Variants in PSD4 observed in about 807,000 individuals in gnomAD.
PSD4 encodes PH and SEC7 domain-containing protein 4.
Under a neutral mutation model 112.5 loss-of-function variants are expected in PSD4, and 59 were observed. That is an observed-to-expected ratio of 0.52 (90% CI 0.43 to 0.65). PSD4 has a LOEUF of 0.65. Ranked by LOEUF, PSD4 falls within the 30% of genes least tolerant of loss-of-function variation. The pLI, the probability that PSD4 is intolerant of heterozygous loss-of-function variation, is 0.00. For synonymous variants in PSD4, 533 were observed against 540.0 expected (o/e 0.99, Z 0.18); for missense variants, 1,267 against 1,352.6 (o/e 0.94, Z 0.99).
At position 113,191,276 on chromosome 2, in the gene PSD4, G is replaced by GT. The variant is rs1364434782; in HGVS notation, c.1629-1100dup. On this transcript the variant is annotated intron_variant, in intron 5 of 16. Coordinates refer to ENST00000245796, the MANE Select transcript of PSD4 (RefSeq NM_012455.3). ...GTTATATATCTGTTTATCAGGGATTGTTTTCTTTTTTTTCTTTTAGACGGC... is the reference window on the plus strand; with the variant it reads ...GTTATATATCTGTTTATCAGGGATTGTTTTTCTTTTTTTTCTTTTAGACGGC... 3.9e-3 allele frequency among the ~76,000 whole-genome samples: 589 copies of GT among 151,636 alleles called. 5 individuals carry two copies. The highest frequency in any genetic ancestry group is 0.014 in the African/African-American group (562 of 41,504).
chr2:113,185,482 G>A (rs1688272597), intron 4 of PSD4, 42 bp downstream of exon 4: 1 of 1,613,780 alleles, frequency 6.2e-7, no homozygotes, highest in Non-Finnish European at 8.5e-7. Flanking sequence ...GGTCCTGGGA[G>A]GATTTGGAAT....
intron 1 of PSD4, among the ~76,000 whole-genome samples, chr2:113,180,246 A>G (rs1211632104): frequency 6.6e-6 from 1 of 152,182 alleles, no homozygotes; most frequent in Non-Finnish European, 1.5e-5. Context: ...CACCTCCGTT[A>G]ACCCTAGCTC....
chr2:113,193,769 G>T, intron 9 of PSD4, 90 bp from the exon 10 acceptor site: 1 of 1,560,792 alleles, frequency 6.4e-7, no homozygotes, highest in Non-Finnish European at 8.8e-7. Context: ...GGCCTGGGGA[G>T]CTGGAAAGGG....
rs766489175 is a variant in PSD4, at chr2:113,201,377, C to T, written c.3133C>T (p.Arg1045Trp). ...CAACATCTCAGAGCGCAGAACCTAC[C>T]GGAAGATCATCCCTAAGCGGAACCG... ...KRNISERRTY[R>W]KIIPKRNRNQ... is the part of the protein sequence containing the mutation. Residue 1045 changes from arginine to tryptophan, a missense_variant, in exon 17 of 17, where the codon CGG (arginine) becomes TGG (tryptophan). By Grantham distance (101) the Arg-to-Trp change is moderately radical. Around this residue, in one of 2 missense-constraint regions of PSD4, gnomAD observed 544 missense variants for 648.6 expected, o/e 0.84. Transcript: ENST00000245796. 1.6e-5 allele frequency: 26 copies of T among 1,614,024 alleles called. No individual in the cohort carries two copies. The highest frequency in any genetic ancestry group is 4.4e-5 in the South Asian group (4 of 91,084).
intron 14 of PSD4, 141 bp from the exon 15 acceptor site, chr2:113,198,599 C>T (rs189543276): frequency 1.2e-5 from 13 of 1,046,690 alleles, no homozygotes; most frequent in East Asian, 1.2e-4. Context: ...GTCGGGTGCC[C>T]GGCTAGTGGC....
chr2:113,195,671 A>T (rs1003444964), intron 10 of PSD4, 56 bp from the exon 11 acceptor site: 56 of 1,604,584 alleles, frequency 3.5e-5, no homozygotes, highest in Non-Finnish European at 4.8e-5. Context: ...AGACAAAGAG[A>T]CTTTAGGCTC....
rs1475952185 is a variant in PSD4 at position 113,183,054 on chromosome 2, G to C, written c.598G>C (p.Gly200Arg). 2 of 1,613,242 alleles carry C rather than the reference G, an allele frequency of 1.2e-6. No homozygotes were observed. The highest frequency in any genetic ancestry group is 4.5e-5 in the East Asian group (2 of 44,862). Reference protein sequence around the residue: ...TPPVDLPGDTGLHSSPPENED... With the variant: ...TPPVDLPGDTRLHSSPPENED... ...CCCTGTGGACCTCCCCGGGGACACG[G>C]GCCTGCACTCCAGCCCACCTGAGAA... The change falls in exon 2 of 17, where the codon GGC (glycine) becomes CGC (arginine). Residue 200 changes from glycine to arginine, a missense_variant. Physicochemically the swap from Gly to Arg is moderately radical, Grantham distance 125. Transcript: ENST00000245796.
intron 5 of PSD4, 68 bp from the exon 6 acceptor site, chr2:113,192,312 C>T (rs958350947): frequency 1.1e-5 from 16 of 1,501,912 alleles, no homozygotes; most frequent in East Asian, 2.3e-5. Context: ...GCGCTGAGCT[C>T]GGGGAACTCT....
intron 4 of PSD4, 115 bp from the exon 5 acceptor site, chr2:113,185,762 G>T (rs1330996185): frequency 1.9e-6 from 3 of 1,550,154 alleles, no homozygotes. Flanking sequence ...GGGAGGACAG[G>T]GCATGCTGCC....
At position 113,193,341 on chromosome 2, in the gene PSD4, A is replaced by G; in HGVS notation, c.2003A>G (p.His668Arg). 6.2e-7 allele frequency: 1 copy of G among 1,604,846 alleles called. No individual in the cohort carries two copies. The highest frequency in any genetic ancestry group is 2.2e-5 in the East Asian group (1 of 44,814). The part of the protein sequence containing the change: ...ILYQFSRRFH[H>R]CNPGIFPSVD... ...TACCAGTTCTCCAGACGCTTCCACC[A>G]TTGCAATCCGGGGATCTTCCCCTCA... Residue 668 changes from histidine to arginine, a missense_variant, in exon 8 of 17, where the codon CAT becomes CGT. Physicochemically the swap from His to Arg is conservative, Grantham distance 29. This residue lies in a region of PSD4 where 544 missense variants were observed against 648.6 expected (regional missense o/e 0.84). Transcript: ENST00000245796.
chr2:113,180,944 G>A (rs1448842237), intron 1 of PSD4, among the ~76,000 whole-genome samples: 1 of 152,126 alleles, frequency 6.6e-6, no homozygotes, highest in Non-Finnish European at 1.5e-5. Context: ...GCTGCTGGGT[G>A]CAGCGGCTCA....
intron 5 of PSD4, among the ~76,000 whole-genome samples, chr2:113,188,675 A>G (rs1688366674): frequency 6.6e-6 from 1 of 151,550 alleles, no homozygotes; most frequent in Admixed American, 6.6e-5. Flanking sequence ...CTGCCTCCCA[A>G]GTTCAGGCCA....
chr2:113,196,422 C>G (rs1688617060), intron 12 of PSD4, 115 bp downstream of exon 12: 3 of 1,349,696 alleles, frequency 2.2e-6, no homozygotes, highest in Middle Eastern at 2.4e-4. Context: ...GGACAGGCAG[C>G]CAGCCCATGT....
At chr2:113,192,868 G>A (rs575323645) in intron 6 of PSD4, among the ~76,000 whole-genome samples, 180 bp from the exon 7 acceptor site, 77 of 152,296 alleles carry the variant, frequency 5.1e-4, no homozygotes, top group African/African-American at 1.5e-3. Context: ...GAATAGGGTA[G>A]CAGGGCATAC....
chr2:113,181,487 C>T (rs1017415184), intron 1 of PSD4, among the ~76,000 whole-genome samples: 1 of 152,208 alleles, frequency 6.6e-6, no homozygotes, highest in Non-Finnish European at 1.5e-5. Flanking sequence ...GGTTCCTGGG[C>T]TCATCTGATA....
chr2:113,179,882 G>T (rs1688083026), intron 1 of PSD4, among the ~76,000 whole-genome samples: 1 of 152,148 alleles, frequency 6.6e-6, no homozygotes, highest in Non-Finnish European at 1.5e-5. Context: ...CATTCCGGGT[G>T]GGCTGGAACA....
chr2:113,183,248 G>A lies in PSD4; in HGVS notation c.792G>A (p.Glu264=), dbSNP rs1558887549. The A allele has an allele frequency of 1.9e-6, 3 of 1,614,200 alleles. No homozygotes were observed. The highest frequency in any genetic ancestry group is 2.5e-6 in the Non-Finnish European group (3 of 1,180,016). The change falls in exon 2 of 17, where the codon GAG becomes GAA. Residue 264 remains glutamate, a synonymous_variant. Transcript: ENST00000245796. The stretch of plus-strand genomic sequence containing the variant: ...GCTCAGAGAACAGTGCTTCTGGAGA[G>A]TGCTTTTCCTGGGGGGCTTCAGACT... ...SPCSENSASG[E]CFSWGASDSH... is the part of the protein sequence containing the mutation.
rs944334239 is a variant in PSD4 at position 113,201,102 on chromosome 2, C to T, written c.2914-56C>T. On this transcript the variant is annotated intron_variant, in intron 16 of 16. Coordinates refer to ENST00000245796, the MANE Select transcript of PSD4 (RefSeq NM_012455.3). Reference sequence around the variant, plus strand: ...GTGAGCTGTCCCTCACGATTCTAGCCTCCTCCCAACCTGGAGCCAGGATGG... The same window carrying T: ...GTGAGCTGTCCCTCACGATTCTAGCTTCCTCCCAACCTGGAGCCAGGATGG... 4 of 1,553,140 alleles carry T rather than the reference C, an allele frequency of 2.6e-6. No homozygotes were observed. The African/African-American group carries it at 5.4e-5, about 21-fold the overall frequency.
At chr2:113,198,604 A>T in intron 14 of PSD4, 136 bp from the exon 15 acceptor site, 1 of 1,062,410 alleles carries the variant, frequency 9.4e-7, no homozygotes, top group Non-Finnish European at 1.3e-6. Flanking sequence ...GTGCCCGGCT[A>T]GTGGCAGGGC....
Sources: allele counts gnomAD v4.1 joint callset (sites outside exome capture counted in the v4.1 genomes callset), GRCh38; gene constraint gnomAD v4.1.1; regional missense constraint gnomAD v4.1.1; transcripts MANE v1.5; gene names NCBI Gene and HGNC (gene_info 2026-07-23, HGNC 2026-07-21).